CEP350: variants seen among roughly 807,000 people sequenced by gnomAD.
The protein encoded by CEP350 is centrosomal protein 350, also known as centrosome-associated protein 350.
In CEP350, 126 loss-of-function variants were observed where a neutral mutation model predicts 331.8. The ratio of observed to expected loss-of-function variants is 0.38; its 90% CI spans 0.33 to 0.44. CEP350 has a LOEUF of 0.44. Ranked by LOEUF, CEP350 falls within the 20% of genes least tolerant of loss-of-function variation. CEP350 has a pLI of 1.00. For synonymous variants in CEP350, 1,200 were observed against 1,259.5 expected (o/e 0.95, Z 1.00); for missense variants, 3,406 against 3,634.6 (o/e 0.94, Z 1.62).
chr1:180,080,907 T>C (rs1558146746), intron 30 of CEP350, among the ~76,000 whole-genome samples: 2 of 152,166 alleles, frequency 1.3e-5, no homozygotes. Flanking sequence ...TCACTCAGGC[T>C]GGAGTGCAGT....
Position 179,996,904 on chromosome 1 carries a change from A to G in CEP350, c.747A>G (p.Pro249=), listed in dbSNP as rs774991369. 1.2e-6 allele frequency: 2 copies of G among 1,614,060 alleles called. No individual in the cohort carries two copies. Among genetic ancestry groups the G allele is most frequent in the Non-Finnish European group, 1.7e-6 (2 of 1,179,894 alleles). Reference sequence around the variant, plus strand: ...ATAACATGGCCCATGATACTGATCCAAAAGCGTTACGACTAACTGACTCTT... The same window carrying G: ...ATAACATGGCCCATGATACTGATCCGAAAGCGTTACGACTAACTGACTCTT... The part of the protein sequence containing the change: ...SVNNMAHDTD[P]KALRLTDSSP... Residue 249 remains proline (P), a synonymous_variant, in exon 6 of 38, where the codon CCA becomes CCG. Transcript: ENST00000367607.
At chr1:180,039,846 T>G (rs1252782627) in intron 17 of CEP350, among the ~76,000 whole-genome samples, 2 of 152,192 alleles carry the variant, frequency 1.3e-5, no homozygotes, top group East Asian at 3.8e-4. Context: ...GTATTGAATC[T>G]GTAGGTTAGT....
intron 34 of CEP350, 113 bp from the exon 35 acceptor site, chr1:180,095,410 A>G (rs1660427291): frequency 1.2e-5 from 14 of 1,216,966 alleles, no homozygotes; most frequent in Non-Finnish European, 1.5e-5. Flanking sequence ...TATTCTGCTT[A>G]CTTATAGAGA....
rs1303872725 is a variant in CEP350 at position 180,111,236 on chromosome 1, G to C, written c.*75G>C. On this transcript the variant is annotated 3_prime_UTR_variant, in exon 38 of 38. Transcript: ENST00000367607. Reference sequence around the variant, plus strand: ...TTCTGCCTCCTGATGTACACCCATCGCCATCATAGCAAGAGTGCTTCTGGA... The same window carrying C: ...TTCTGCCTCCTGATGTACACCCATCCCCATCATAGCAAGAGTGCTTCTGGA... The C allele has an allele frequency of 6.5e-7, 1 of 1,532,784 alleles. No homozygotes were observed. Among genetic ancestry groups the C allele is most frequent in the African/African-American group, 1.4e-5 (1 of 73,430 alleles). The allele number at this position is 1,532,784 out of a possible 1,614,324, so 94.9% of individuals were successfully genotyped here. A position where few individuals can be genotyped will look rare whatever the true frequency, so the allele number is the denominator to read the frequency against.
intron 4 of CEP350, 136 bp downstream of exon 4, chr1:179,990,757 G>C: frequency 2.1e-6 from 1 of 471,674 alleles, no homozygotes; most frequent in South Asian, 4.2e-5. Context: ...AAGTCTCTCT[G>C]TGCTGCCCCA....
chr1:179,979,144 T>C (rs1224797055), intron 1 of CEP350, among the ~76,000 whole-genome samples: 1 of 152,188 alleles, frequency 6.6e-6, no homozygotes, highest in African/African-American at 2.4e-5. Flanking sequence ...GGAATCTCCA[T>C]ACTGTTTTCC....
chr1:179,994,709 C>T (rs1467258300), intron 5 of CEP350, among the ~76,000 whole-genome samples: 2 of 152,138 alleles, frequency 1.3e-5, no homozygotes, highest in Non-Finnish European at 2.9e-5. Flanking sequence ...CCACCTTGGT[C>T]TCTCCAAGTG....
intron 4 of CEP350, 92 bp from the exon 5 acceptor site, chr1:179,991,970 T>A: frequency 8.1e-7 from 1 of 1,230,078 alleles, no homozygotes; most frequent in Non-Finnish European, 1.1e-6. Context: ...TTAGAAATAA[T>A]AGATACCTAA....
intron 22 of CEP350, among the ~76,000 whole-genome samples, chr1:180,049,316 A>G (rs115711454): frequency 0.04 from 6,033 of 152,298 alleles, 142 homozygotes; most frequent in Middle Eastern, 0.14. Flanking sequence ...TTTGTGCCAT[A>G]TCTCAAGTCT....
chr1:179,979,133 A>T (rs1389486106), intron 1 of CEP350, among the ~76,000 whole-genome samples: 1 of 152,180 alleles, frequency 6.6e-6, no homozygotes, highest in Admixed American at 6.5e-5. Flanking sequence ...TAATTTTATG[A>T]GGAATCTCCA....
In CEP350 at chr1:179,969,847, C is replaced by G. The variant is rs762086760; in HGVS notation, c.-14+14705C>G. Among the ~76,000 whole-genome samples the G allele has an allele frequency of 3.6e-4, 55 of 152,184 alleles. No individual in the cohort carries two copies. The Middle Eastern group carries it at 0.01, about 28-fold the overall frequency. Reference sequence around the variant, plus strand: ...ACTTCCTATCCTGGACCCTCACTTCCTCTCCTTGGAGTTAACTAATAGTAA... The same window carrying G: ...ACTTCCTATCCTGGACCCTCACTTCGTCTCCTTGGAGTTAACTAATAGTAA... On this transcript the variant is annotated intron_variant, in intron 1 of 37. Transcript: ENST00000367607.
At position 180,069,513 on chromosome 1, in the gene CEP350, A is replaced by G. The variant is rs185447179; in HGVS notation, c.5567+4241A>G. Among the ~76,000 whole-genome samples the G allele has an allele frequency of 9.5e-4, 145 of 152,328 alleles. 1 individual carries two copies. The highest frequency in any genetic ancestry group is 1.1e-3 in the Non-Finnish European group (77 of 68,014). ...AATTTCTTAGACAACATTCTAGTCT[A>G]TGTGTAGTAGCTGAATAAATCCTGA... On this transcript the variant is annotated intron_variant, in intron 27 of 37. Coordinates refer to ENST00000367607, the MANE Select transcript of CEP350 (RefSeq NM_014810.5).
At position 180,087,568 on chromosome 1, in the gene CEP350, C is replaced by T. The variant is rs1195423797; in HGVS notation, c.6286-10C>T. 6.5e-7 allele frequency: 1 copy of T among 1,534,760 alleles called. No individual in the cohort carries two copies. The highest frequency in any genetic ancestry group is 2.0e-5 in the Admixed American group (1 of 49,354). On this transcript the variant is annotated splice_polypyrimidine_tract_variant and intron_variant, in intron 31 of 37. Coordinates refer to ENST00000367607, the MANE Select transcript of CEP350 (RefSeq NM_014810.5). Reference sequence around the variant, plus strand: ...CTGCCTAGTGACTCCTCTGGTTTTTCTAAACTTAGTCATATGATGAATTTA... The same window carrying T: ...CTGCCTAGTGACTCCTCTGGTTTTTTTAAACTTAGTCATATGATGAATTTA...
intron 15 of CEP350, among the ~76,000 whole-genome samples, chr1:180,031,900 A>G (rs1408660458): frequency 6.6e-6 from 1 of 152,096 alleles, no homozygotes; most frequent in African/African-American, 2.4e-5. Flanking sequence ...GGGCTACCAC[A>G]AACTATCTCA....
At position 180,055,080 on chromosome 1, in the gene CEP350, AGAT is replaced by A. The variant is rs566226912; in HGVS notation, c.5262+579_5262+581del. ...CTCAGTTTCCTCATCTGTAAACTGAAGATAATAATAGTAACATACTTTATAGGG... is the reference window on the plus strand; with the variant it reads ...CTCAGTTTCCTCATCTGTAAACTGAAAATAATAGTAACATACTTTATAGGG... On this transcript the variant is annotated intron_variant, in intron 25 of 37. Transcript: ENST00000367607. Among the ~76,000 whole-genome samples, 348 of 152,320 alleles carry A rather than the reference AGAT, an allele frequency of 2.3e-3. 2 individuals carry two copies. Among genetic ancestry groups the A allele is most frequent in the Non-Finnish European group, 3.6e-3 (247 of 68,018 alleles).
At chr1:180,032,965 T>G (rs1375666596) in intron 15 of CEP350, among the ~76,000 whole-genome samples, 1 of 152,140 alleles carries the variant, frequency 6.6e-6, no homozygotes, top group Non-Finnish European at 1.5e-5. Flanking sequence ...AACACATGAG[T>G]GCCTCTCAGG....
At chr1:179,968,154 A>G (rs1459348586) in intron 1 of CEP350, among the ~76,000 whole-genome samples, 1 of 152,134 alleles carries the variant, frequency 6.6e-6, no homozygotes, top group African/African-American at 2.4e-5. Context: ...AACATGGCGA[A>G]ACCCCATCTC....
intron 37 of CEP350, among the ~76,000 whole-genome samples, chr1:180,105,818 C>G (rs1438670943): frequency 1.3e-5 from 2 of 152,136 alleles, no homozygotes; most frequent in East Asian, 3.9e-4. Context: ...TTGCTTCTTC[C>G]AATTTAAGAA....
rs544191625 is a variant in CEP350, at chr1:180,023,046, G to A, written c.3386+198G>A. On this transcript the variant is annotated intron_variant, in intron 13 of 37. Transcript: ENST00000367607. ...ATCCAGGCTCTCCTGGTTATTGGTTGTTTGTATTTATACATATTACTTAGC... is the reference window on the plus strand; with the variant it reads ...ATCCAGGCTCTCCTGGTTATTGGTTATTTGTATTTATACATATTACTTAGC... 3.3e-5 allele frequency among the ~76,000 whole-genome samples: 5 copies of A among 152,178 alleles called. No individual in the cohort carries two copies. The East Asian group carries it at 9.7e-4, about 29-fold the overall frequency.
Sources: gnomAD v4.1 joint callset for allele counts (sites outside exome capture counted in the v4.1 genomes callset) on GRCh38, gnomAD v4.1.1 for gene constraint, MANE v1.5 for transcripts, NCBI Gene and HGNC (gene_info 2026-07-23, HGNC 2026-07-21) for gene names.